The following RGPD6 variants were observed in gnomAD, a reference collection of about 807,000 sequenced individuals.
RGPD6 encodes the protein RANBP2 like and GRIP domain containing 6.
the RGPD6 span, among the ~76,000 whole-genome samples, chr2:110,605,833 C>T: frequency 1.5e-4 from 22 of 151,248 alleles, no homozygotes; most frequent in African/African-American, 5.2e-4. Flanking sequence ...GTCTTCCCAC[C>T]ACGTGGTTTT....
At chr2:110,596,923 T>TATATATATTATATATATTTTATATATATA in the RGPD6 span, among the ~76,000 whole-genome samples, 1 of 130,920 alleles carries the variant, frequency 7.6e-6, no homozygotes, top group African/African-American at 3.2e-5. Context: ...CATACATATA[T>TATATATATTATATATATTTTATATATATA]ATATATATTA....
chr2:110,605,177 A>G, the RGPD6 span, among the ~76,000 whole-genome samples: 1 of 151,560 alleles, frequency 6.6e-6, no homozygotes, highest in Non-Finnish European at 1.5e-5. Flanking sequence ...CGGATGCAAC[A>G]CTCCACTGCT....
At chr2:110,605,189 C>A in the RGPD6 span, among the ~76,000 whole-genome samples, 1 of 151,878 alleles carries the variant, frequency 6.6e-6, no homozygotes, top group African/African-American at 2.4e-5. Context: ...TCCACTGCTT[C>A]CCATCGAGGG....
chr2:110,593,952 C>CA, the RGPD6 span, among the ~76,000 whole-genome samples: 1 of 134,470 alleles, frequency 7.4e-6, no homozygotes, highest in Non-Finnish European at 1.5e-5. Context: ...CTTTCATTAT[C>CA]AAAGAAGAAA....
the RGPD6 span, among the ~76,000 whole-genome samples, chr2:110,589,499 T>C: frequency 2.0e-5 from 3 of 152,172 alleles, no homozygotes; most frequent in African/African-American, 7.3e-5. Context: ...TGTGCCTTGC[T>C]ACGAGAAAGT....
At chr2:110,599,798 C>A in the RGPD6 span, among the ~76,000 whole-genome samples, 1 of 94,450 alleles carries the variant, frequency 1.1e-5, no homozygotes, top group Non-Finnish European at 2.4e-5. Flanking sequence ...CTATTAGAAA[C>A]CAACATACCC....
chr2:110,595,395 GCC>G, the RGPD6 span, among the ~76,000 whole-genome samples: 2 of 151,030 alleles, frequency 1.3e-5, no homozygotes, highest in South Asian at 2.1e-4. Context: ...TCCTTTCACA[GCC>G]TCTATCTCAG....
At chr2:110,589,345 C>T in the RGPD6 span, among the ~76,000 whole-genome samples, 20 of 150,198 alleles carry the variant, frequency 1.3e-4, no homozygotes, top group East Asian at 5.9e-4. Flanking sequence ...AGCAAAACTC[C>T]GTCTCAAAAA....
the RGPD6 span, among the ~76,000 whole-genome samples, chr2:110,600,377 C>G: frequency 0.053 from 1,724 of 32,830 alleles, 3 homozygotes; most frequent in African/African-American, 0.13. Context: ...GAGCTGTATC[C>G]TCCTTTAAGG....
the RGPD6 span, among the ~76,000 whole-genome samples, chr2:110,591,142 CTT>C: frequency 8.8e-6 from 1 of 113,918 alleles, no homozygotes; most frequent in East Asian, 2.3e-4. Flanking sequence ...AGAGAATTCA[CTT>C]TGAGAATAAA....
the RGPD6 span, among the ~76,000 whole-genome samples, chr2:110,605,607 T>A: frequency 1.4e-4 from 21 of 151,766 alleles, 1 homozygote; most frequent in African/African-American, 5.1e-4. Context: ...TCTGGCACTA[T>A]GAAGTAAAGT....
chr2:110,592,870 A>G, the RGPD6 span, among the ~76,000 whole-genome samples: 1 of 144,408 alleles, frequency 6.9e-6, no homozygotes, highest in Admixed American at 6.9e-5. Flanking sequence ...TTTTTGCTGG[A>G]ATGACAGTGG....
At chr2:110,593,125 C>G in the RGPD6 span, among the ~76,000 whole-genome samples, 1 of 148,178 alleles carries the variant, frequency 6.7e-6, no homozygotes, top group Non-Finnish European at 1.5e-5. Flanking sequence ...TCATTTCTAT[C>G]TGTTATGCCA....
chr2:110,599,764 T>G, the RGPD6 span, among the ~76,000 whole-genome samples: 1 of 73,394 alleles, frequency 1.4e-5, no homozygotes, highest in Non-Finnish European at 3.1e-5. Context: ...AGAAATCAAT[T>G]TATGTAACTA....
the RGPD6 span, among the ~76,000 whole-genome samples, chr2:110,591,806 T>C: frequency 6.7e-6 from 1 of 149,098 alleles, no homozygotes; most frequent in Non-Finnish European, 1.5e-5. Context: ...ATAGGACTTA[T>C]GAACTCCAAA....
chr2:110,607,494 G>C, the RGPD6 span, among the ~76,000 whole-genome samples: 1 of 148,696 alleles, frequency 6.7e-6, no homozygotes, highest in South Asian at 2.2e-4. Flanking sequence ...AGAAGGCAAA[G>C]GAGGTAGTTG....
the RGPD6 span, among the ~76,000 whole-genome samples, chr2:110,589,501 C>T: frequency 4.6e-5 from 7 of 152,248 alleles, no homozygotes; most frequent in South Asian, 4.1e-4. Flanking sequence ...TGCCTTGCTA[C>T]GAGAAAGTCT....
the RGPD6 span, among the ~76,000 whole-genome samples, chr2:110,610,308 G>C: frequency 7.3e-6 from 1 of 136,486 alleles, no homozygotes; most frequent in Non-Finnish European, 1.6e-5. Flanking sequence ...ACTCCAGGGG[G>C]TCGGTGGTGC....
the RGPD6 span, among the ~76,000 whole-genome samples, chr2:110,604,660 A>G: frequency 6.2e-3 from 941 of 151,374 alleles, 19 homozygotes; most frequent in African/African-American, 0.022. Flanking sequence ...TGCCACCAAG[A>G]CTTTATTCCC....
Sources: allele counts gnomAD v4.1 joint callset (sites outside exome capture counted in the v4.1 genomes callset), GRCh38; gene constraint gnomAD v4.1.1; transcripts MANE v1.5; gene names NCBI Gene and HGNC (gene_info 2026-07-23, HGNC 2026-07-21).